Variants in PKHD1 observed in about 807,000 individuals in gnomAD.
PKHD1 encodes PKHD1 ciliary IPT domain containing fibrocystin/polyductin.
Under a neutral mutation model 412.0 loss-of-function variants are expected in PKHD1, and 291 were observed. The ratio of observed to expected loss-of-function variants is 0.71; its 90% CI spans 0.64 to 0.78. PKHD1 has a LOEUF of 0.78. Ranked by LOEUF, PKHD1 falls within the 30% of genes least tolerant of loss-of-function variation. PKHD1 has a pLI of 0.00. For missense variants in PKHD1, 4,825 were observed against 4,950.7 expected (o/e 0.97, Z 0.76); for synonymous variants, 1,777 against 1,821.5 (o/e 0.98, Z 0.62).
At chr6:51,809,301 T>A (rs1926548) in intron 52 of PKHD1, among the ~76,000 whole-genome samples, 14 of 152,064 alleles carry the variant, frequency 9.2e-5, no homozygotes, top group Admixed American at 8.5e-4. Context: ...CCAACATAAT[T>A]TACTGAAACG....
chr6:51,981,580 G>A (rs368065631), intron 35 of PKHD1, among the ~76,000 whole-genome samples: 3 of 144,612 alleles, frequency 2.1e-5, no homozygotes, highest in African/African-American at 4.9e-5. Context: ...CGGCCTCCCG[G>A]GGTGCCGGGA....
At chr6:51,707,290 C>T (rs1780121879) in intron 60 of PKHD1, among the ~76,000 whole-genome samples, 1 of 152,128 alleles carries the variant, frequency 6.6e-6, no homozygotes, top group African/African-American at 2.4e-5. Flanking sequence ...ATTTGATGTT[C>T]CTATTCCTGC....
chr6:51,774,079 T>C (rs2397061), intron 54 of PKHD1, among the ~76,000 whole-genome samples: 27,977 of 151,810 alleles, frequency 0.18, 3,385 homozygotes, highest in African/African-American at 0.34. Context: ...AAAGAGATTT[T>C]CAACCAAAGC....
chr6:51,676,382 T>A (rs892247573), intron 60 of PKHD1, among the ~76,000 whole-genome samples: 3 of 152,032 alleles, frequency 2.0e-5, no homozygotes, highest in Non-Finnish European at 2.9e-5. Context: ...AAAGAAAAAT[T>A]TATATGTTTA....
chr6:51,626,925 G>A (rs909264965), intron 66 of PKHD1, 72 bp downstream of exon 66: 5 of 1,533,376 alleles, frequency 3.3e-6, no homozygotes, highest in Non-Finnish European at 4.5e-6. Context: ...AGACAGAGCT[G>A]AAGGAGAGGG....
intron 1 of PKHD1, among the ~76,000 whole-genome samples, chr6:52,086,938 A>G (rs1812876510): frequency 1.3e-5 from 2 of 152,206 alleles, no homozygotes; most frequent in South Asian, 4.1e-4. Context: ...CAGACAAAAT[A>G]TACTCAGCAC....
At chr6:51,746,947 T>A (rs1785270570) in intron 58 of PKHD1, 58 bp from the exon 59 acceptor site, 3 of 997,314 alleles carry the variant, frequency 3.0e-6, no homozygotes, top group Non-Finnish European at 3.0e-6. Context: ...CAGCCACAAA[T>A]ATCGAATATA....
At chr6:51,975,574 A>G (rs868670442) in intron 35 of PKHD1, 22 of 150,614 alleles carry the variant, frequency 1.5e-4, no homozygotes, top group African/African-American at 5.4e-4. Context: ...GAGGAAATGT[A>G]CCTCAAAACC....
rs554729007 is a variant in PKHD1, at chr6:51,670,985, T to C, written c.10157-11016A>G. ...TCTCTCTGGCTGCCCTTAACATTTTTTCCTTCATTTCAACTTTGGTGAATC... is the reference window on the plus strand; with the variant it reads ...TCTCTCTGGCTGCCCTTAACATTTTCTCCTTCATTTCAACTTTGGTGAATC... On this transcript the variant is annotated intron_variant, in intron 60 of 66. Coordinates refer to ENST00000371117, the MANE Select transcript of PKHD1 (RefSeq NM_138694.4). 4.6e-5 allele frequency among the ~76,000 whole-genome samples: 7 copies of C among 152,158 alleles called. No homozygotes were observed. In the South Asian group the frequency reaches 1.5e-3, roughly 32 times the overall value.
At chr6:51,988,402 T>A (rs889528915) in intron 35 of PKHD1, among the ~76,000 whole-genome samples, 2 of 152,236 alleles carry the variant, frequency 1.3e-5, no homozygotes, top group Non-Finnish European at 2.9e-5. Flanking sequence ...ATATTTTATG[T>A]CGCCAATTAG....
chr6:51,690,270 TCAAAAAAAAAAAAAA>T (rs770792695), intron 60 of PKHD1, among the ~76,000 whole-genome samples: 3 of 61,690 alleles, frequency 4.9e-5, no homozygotes, highest in South Asian at 5.9e-4. Context: ...AGACTCCATC[TCAAAAAAAAAAAAAA>T]AAAAAAAAAA....
At chr6:51,703,561 G>A (rs1443848962) in intron 60 of PKHD1, among the ~76,000 whole-genome samples, 1 of 151,932 alleles carries the variant, frequency 6.6e-6, no homozygotes, top group African/African-American at 2.4e-5. Flanking sequence ...CCAGAAGAAG[G>A]AGGGGAATAA....
chr6:51,676,324 C>T (rs1385949097), intron 60 of PKHD1, among the ~76,000 whole-genome samples: 2 of 150,464 alleles, frequency 1.3e-5, no homozygotes, highest in African/African-American at 4.9e-5. Flanking sequence ...AATAAATGTT[C>T]TGACTCAAAT....
At chr6:52,045,351 C>T (rs893722208) in intron 24 of PKHD1, among the ~76,000 whole-genome samples, 2 of 152,184 alleles carry the variant, frequency 1.3e-5, no homozygotes, top group African/African-American at 4.8e-5. Context: ...AGTCTTGAGA[C>T]ACTTTGCTTC....
chr6:51,655,804 G>A (rs1190590327), intron 61 of PKHD1, among the ~76,000 whole-genome samples: 3 of 152,086 alleles, frequency 2.0e-5, no homozygotes, highest in Admixed American at 6.6e-5. Context: ...TCTCATGCCA[G>A]TCAGAAAGGC....
At position 51,760,585 on chromosome 6, in the gene PKHD1, T is replaced by C. The variant is rs185757022; in HGVS notation, c.8643-5647A>G. ...GATGCAAGAATACTGCATCTGATAC[T>C]CTTATTTCATTTATTAGGTACTTAA... On this transcript the variant is annotated intron_variant, in intron 55 of 66. Coordinates refer to ENST00000371117, the MANE Select transcript of PKHD1 (RefSeq NM_138694.4). 2.2e-4 allele frequency among the ~76,000 whole-genome samples: 34 copies of C among 152,242 alleles called. No individual in the cohort carries two copies. The East Asian group carries it at 5.6e-3, about 25-fold the overall frequency.
chr6:51,884,335 T>C (rs1242606927), intron 45 of PKHD1, among the ~76,000 whole-genome samples: 3 of 152,190 alleles, frequency 2.0e-5, no homozygotes, highest in African/African-American at 4.8e-5. Flanking sequence ...TGTTTATAGA[T>C]ATATGGGTTT....
At chr6:51,671,808 T>G (rs912810480) in intron 60 of PKHD1, among the ~76,000 whole-genome samples, 3 of 152,154 alleles carry the variant, frequency 2.0e-5, no homozygotes, top group African/African-American at 4.8e-5. Flanking sequence ...TACCCGCCCG[T>G]GTGAGGTGTC....
chr6:51,854,465 T>C (rs1733731114), intron 49 of PKHD1, among the ~76,000 whole-genome samples: 1 of 152,084 alleles, frequency 6.6e-6, no homozygotes, highest in African/African-American at 2.4e-5. Flanking sequence ...GGAGAGGGTG[T>C]GTTTCACTGG....
Sources: gnomAD v4.1 joint callset for allele counts (sites outside exome capture counted in the v4.1 genomes callset) on GRCh38, gnomAD v4.1.1 for gene constraint, MANE v1.5 for transcripts, NCBI Gene and HGNC (gene_info 2026-07-23, HGNC 2026-07-21) for gene names.